NOS1AP: variants seen among roughly 807,000 people sequenced by gnomAD.
NOS1AP encodes the protein nitric oxide synthase 1 adaptor protein, also known as carboxyl-terminal PDZ ligand of neuronal nitric oxide synthase protein.
In NOS1AP, 21 loss-of-function variants were observed where a neutral mutation model predicts 56.2. The ratio of observed to expected loss-of-function variants is 0.37; its 90% CI spans 0.26 to 0.54. The LOEUF is 0.54. NOS1AP is among the 20% of genes least tolerant of loss of function. The probability of loss-of-function intolerance (pLI) is 0.84; values close to 1 mark genes in which losing one functional copy is unlikely to be tolerated. For synonymous variants in NOS1AP, 270 were observed against 274.6 expected, an observed-to-expected ratio of 0.98 and a Z score of 0.17; for missense variants, 522 against 657.8, an observed-to-expected ratio of 0.79 and a Z score of 2.26.
intron 8 of NOS1AP, chr1:162,364,122 C>T: frequency 1.0e-6 from 1 of 985,428 alleles, no homozygotes; most frequent in Non-Finnish European, 1.2e-6. Context: ...ATGTGAATCT[C>T]TTTGGAGCAA....
rs1184029542 is a variant in NOS1AP at position 162,333,076 on chromosome 1, A to G, written c.404A>G (p.Asp135Gly). The change falls in exon 5 of 10, where the codon GAT (aspartate) becomes GGT (glycine). Residue 135 changes from aspartate to glycine, a missense_variant. Coordinates refer to ENST00000361897, the MANE Select transcript of NOS1AP (RefSeq NM_014697.3). ...DLKIFSYIAR[D>G]GASNIFRCNV... ...AAGATCTTCAGCTATATCGCTCGAG[A>G]TGGTGCCAGCAATATCTTCAGGTGT... is the stretch of plus-strand genomic sequence containing the variant. 1.2e-6 allele frequency: 2 copies of G among 1,613,950 alleles called. No homozygotes were observed. The highest frequency in any genetic ancestry group is 1.7e-6 in the Non-Finnish European group (2 of 1,179,894).
chr1:162,348,081 T>C (rs1414692595), intron 6 of NOS1AP, among the ~76,000 whole-genome samples: 2 of 152,216 alleles, frequency 1.3e-5, no homozygotes, highest in Non-Finnish European at 2.9e-5. Context: ...CCTCTGTCTT[T>C]AGTGGAGTGT....
At chr1:162,103,596 C>T (rs1368927821) in intron 1 of NOS1AP, among the ~76,000 whole-genome samples, 1 of 152,132 alleles carries the variant, frequency 6.6e-6, no homozygotes, top group Admixed American at 6.5e-5. Context: ...TGAGAACTTG[C>T]TTTATGAATC....
At chr1:162,111,437 G>A (rs142587232) in intron 1 of NOS1AP, among the ~76,000 whole-genome samples, 383 of 152,308 alleles carry the variant, frequency 2.5e-3, no homozygotes, top group Non-Finnish European at 4.5e-3. Flanking sequence ...TGACCGTGGA[G>A]GAGAGCTTGT....
chr1:162,243,895 A>T (rs957460404), intron 2 of NOS1AP, among the ~76,000 whole-genome samples: 2 of 152,080 alleles, frequency 1.3e-5, no homozygotes, highest in African/African-American at 4.8e-5. Flanking sequence ...AGTGGCAGGA[A>T]CTGATTAGGA....
intron 5 of NOS1AP, among the ~76,000 whole-genome samples, chr1:162,334,175 C>T (rs1656865300): frequency 6.6e-6 from 1 of 152,196 alleles, no homozygotes; most frequent in Non-Finnish European, 1.5e-5. Context: ...CCTACCCTAG[C>T]TCCACAAAGA....
chr1:162,093,565 A>AT (rs887559358), intron 1 of NOS1AP, among the ~76,000 whole-genome samples: 34 of 150,566 alleles, frequency 2.3e-4, no homozygotes, highest in Non-Finnish European at 3.4e-4. Context: ...ATTTTATTTT[A>AT]TTTTTTTTTG....
intron 2 of NOS1AP, among the ~76,000 whole-genome samples, chr1:162,174,444 T>G (rs1281687804): frequency 4.0e-5 from 6 of 151,106 alleles, no homozygotes; most frequent in South Asian, 2.1e-4. Flanking sequence ...AGCATTAGGA[T>G]ATATACCTAA....
rs556118830 is a variant in NOS1AP at position 162,200,172 on chromosome 1, T to C, written c.177+45696T>C. ...TTGTGGTGTTTCTGGGGAGAGGAAC[T>C]ACTACTGGTCATCTGAAAGGGTACA... On this transcript the variant is annotated intron_variant, in intron 2 of 9. Transcript: ENST00000361897. 2.0e-5 allele frequency among the ~76,000 whole-genome samples: 3 copies of C among 152,322 alleles called. No individual in the cohort carries two copies. In the East Asian group the frequency reaches 5.8e-4, roughly 29 times the overall value.
Position 162,070,134 on chromosome 1 carries a change from C to A in NOS1AP, c.-44C>A. ...TCCCCGGGGTCTCGCCAGCCCCTTC[C>A]TGCAGCCGCCGCCTCCGAAGGAGCG... On this transcript the variant is annotated 5_prime_UTR_variant, in exon 1 of 10. The change creates a new upstream start codon in the 5' untranslated region. Transcript: ENST00000361897. 6.5e-7 allele frequency: 1 copy of A among 1,535,512 alleles called. No homozygotes were observed. Among genetic ancestry groups the A allele is most frequent in the Non-Finnish European group, 9.0e-7 (1 of 1,109,508 alleles).
intron 2 of NOS1AP, among the ~76,000 whole-genome samples, chr1:162,281,800 T>C (rs923134523): frequency 1.3e-5 from 2 of 152,250 alleles, no homozygotes; most frequent in Non-Finnish European, 1.5e-5. Flanking sequence ...CATTTTTGTA[T>C]TGTGGTAAAA....
In NOS1AP at chr1:162,094,142, C is replaced by T. The variant is rs115521716; in HGVS notation, c.105+23860C>T. Among the ~76,000 whole-genome samples the T allele has an allele frequency of 2.5e-3, 374 of 152,298 alleles. 3 individuals carry two copies. The highest frequency in any genetic ancestry group is 8.6e-3 in the African/African-American group (359 of 41,554). ...AATGGCAGATGTGTGGTTGGACTCT[C>T]AGCTGATGGGTAGGAGTGAGTAGTT... On this transcript the variant is annotated intron_variant, in intron 1 of 9. Transcript: ENST00000361897.
chr1:162,285,601 G>A (rs1274790963), intron 2 of NOS1AP, among the ~76,000 whole-genome samples: 1 of 137,040 alleles, frequency 7.3e-6, no homozygotes, highest in East Asian at 3.1e-4. Flanking sequence ...CCAGACTCCA[G>A]TGCAAAAAAA....
chr1:162,337,899 C>T (rs1656990797), intron 5 of NOS1AP, among the ~76,000 whole-genome samples: 1 of 152,138 alleles, frequency 6.6e-6, no homozygotes, highest in Non-Finnish European at 1.5e-5. Context: ...CATTTCAGAG[C>T]CTTAGTACTG....
chr1:162,284,771 G>T (rs1246005485), intron 2 of NOS1AP, among the ~76,000 whole-genome samples: 1 of 152,238 alleles, frequency 6.6e-6, no homozygotes, highest in Non-Finnish European at 1.5e-5. Flanking sequence ...TAAGGTTTCA[G>T]ATACACAAGC....
At chr1:162,144,355 C>T (rs905062078) in intron 1 of NOS1AP, among the ~76,000 whole-genome samples, 5 of 152,246 alleles carry the variant, frequency 3.3e-5, no homozygotes, top group African/African-American at 9.6e-5. Flanking sequence ...TTCATTCTTT[C>T]TCTGAGCCTT....
chr1:162,108,304 A>G (rs1647588037), intron 1 of NOS1AP, among the ~76,000 whole-genome samples: 1 of 152,208 alleles, frequency 6.6e-6, no homozygotes, highest in African/African-American at 2.4e-5. Context: ...CAACGTGAAG[A>G]GGTTCCTACT....
chr1:162,189,744 A>C (rs1651559675), intron 2 of NOS1AP, among the ~76,000 whole-genome samples: 1 of 152,166 alleles, frequency 6.6e-6, no homozygotes, highest in Admixed American at 6.5e-5. Context: ...CTAAATAAAG[A>C]GGGTAATGTG....
chr1:162,128,146 T>A (rs922066637), intron 1 of NOS1AP, among the ~76,000 whole-genome samples: 19 of 152,142 alleles, frequency 1.2e-4, no homozygotes, highest in Admixed American at 5.2e-4. Flanking sequence ...ATTTTTTTTT[T>A]AAATGTAATT....
Sources: gnomAD v4.1 joint callset for allele counts (sites outside exome capture counted in the v4.1 genomes callset) on GRCh38, gnomAD v4.1.1 for gene constraint, MANE v1.5 for transcripts, NCBI Gene and HGNC (gene_info 2026-07-23, HGNC 2026-07-21) for gene names.